Variants in MARS2 observed in about 807,000 individuals in gnomAD.
The protein encoded by MARS2 is methionyl-tRNA synthetase 2, mitochondrial, also known as methionine--tRNA ligase, mitochondrial.
Under a neutral mutation model 43.8 loss-of-function variants are expected in MARS2, and 33 were observed. The ratio of observed to expected loss-of-function variants is 0.75; its 90% CI spans 0.57 to 1.01. The LOEUF is 1.01. Ranked by LOEUF, MARS2 falls within the 50% of genes least tolerant of loss-of-function variation. The pLI is 0.00. For missense variants in MARS2, 720 were observed against 763.0 expected, an observed-to-expected ratio of 0.94 and a Z score of 0.66; for synonymous variants, 351 against 325.5, an observed-to-expected ratio of 1.08 and a Z score of -0.84.
Position 197,705,450 on chromosome 2 carries a change from T to C in MARS2, c.45T>C (p.Ala15=). 1 of 1,612,640 alleles carries C rather than the reference T, an allele frequency of 6.2e-7. No individual in the cohort carries two copies. The highest frequency in any genetic ancestry group is 8.5e-7 in the Non-Finnish European group (1 of 1,179,930). Reference sequence around the variant, plus strand: ...TCCGCCTGCTAGGACGCACGGGGGCTAGTAGGCTGTCTCTCCTGGAGGACT... The same window carrying C: ...TCCGCCTGCTAGGACGCACGGGGGCCAGTAGGCTGTCTCTCCTGGAGGACT... ...SVLRLLGRTG[A]SRLSLLEDFG... The change falls in exon 1 of 1, where the codon GCT becomes GCC. Residue 15 remains alanine (A), a synonymous_variant. Coordinates refer to ENST00000282276, the MANE Select transcript of MARS2 (RefSeq NM_138395.4).
rs1023305282 is a variant in MARS2, at chr2:197,706,533, G to A, written c.1128G>A (p.Arg376=). The A allele has an allele frequency of 2.5e-6, 4 of 1,614,188 alleles. No homozygotes were observed. In the African/African-American group the frequency reaches 4.0e-5, roughly 16 times the overall value. Residue 376 remains arginine (R), a synonymous_variant, in exon 1 of 1, where the codon CGG becomes CGA. Coordinates refer to ENST00000282276, the MANE Select transcript of MARS2 (RefSeq NM_138395.4). ...ATGGCTTCCGCTACTTTCTCCTTCG[G>A]CAGGGCGTCCCCAACTGGGACTGTG... The part of the protein sequence containing the change: ...TVDGFRYFLL[R]QGVPNWDCDY...
Position 197,706,133 on chromosome 2 carries a change from T to C in MARS2, c.728T>C (p.Leu243Pro). 1 of 1,614,146 alleles carries C rather than the reference T, an allele frequency of 6.2e-7. No homozygotes were observed. The highest frequency in any genetic ancestry group is 8.5e-7 in the Non-Finnish European group (1 of 1,180,028). The change falls in exon 1 of 1, where the codon CTT (leucine) becomes CCT (proline). Residue 243 changes from leucine (L) to proline (P), a missense_variant. By Grantham distance (98) the Leu-to-Pro change is moderately conservative. Coordinates refer to ENST00000282276, the MANE Select transcript of MARS2 (RefSeq NM_138395.4). ...ITPEPFHHVVLQWLDEELPDL... is the reference protein window; with the variant it reads ...ITPEPFHHVVPQWLDEELPDL... The stretch of plus-strand genomic sequence containing the variant: ...CCCGAACCATTTCATCACGTAGTTC[T>C]TCAGTGGCTGGACGAGGAGCTGCCC...
Position 197,706,239 on chromosome 2 carries a change from A to G in MARS2, c.834A>G (p.Val278=). The part of the protein sequence containing the change: ...VPGDDSQTIY[V]WLDALVNYLT... ...GGGATGATTCGCAGACCATCTATGT[A>G]TGGCTGGATGCCCTGGTCAACTACC... The change falls in exon 1 of 1, where the codon GTA becomes GTG. Residue 278 remains valine, a synonymous_variant. Coordinates refer to ENST00000282276, the MANE Select transcript of MARS2 (RefSeq NM_138395.4). 1 of 1,614,208 alleles carries G rather than the reference A, an allele frequency of 6.2e-7. No individual in the cohort carries two copies. The highest frequency in any genetic ancestry group is 2.2e-5 in the East Asian group (1 of 44,880).
chr2:197,705,642 A>G lies in MARS2; in HGVS notation c.237A>G (p.Arg79=). ...CCCTATGCCGCCACCGTCGCCTCCGAGGTCCCAGCACGGCCGCCACGCGAT... is the reference window on the plus strand; with the variant it reads ...CCCTATGCCGCCACCGTCGCCTCCGGGGTCCCAGCACGGCCGCCACGCGAT... ...ADALCRHRRL[R]GPSTAATRFS... is the part of the protein sequence containing the mutation. The change falls in exon 1 of 1, where the codon CGA becomes CGG. Residue 79 remains arginine, a synonymous_variant. Transcript: ENST00000282276. 2 of 1,611,606 alleles carry G rather than the reference A, an allele frequency of 1.2e-6. No homozygotes were observed. Among genetic ancestry groups the G allele is most frequent in the Non-Finnish European group, 1.7e-6 (2 of 1,179,864 alleles).
rs201981168 is a variant in MARS2 at position 197,706,224 on chromosome 2, G to C, written c.819G>C (p.Ser273=). The C allele has an allele frequency of 1.3e-5, 21 of 1,614,130 alleles. No homozygotes were observed. The highest frequency in any genetic ancestry group is 1.7e-5 in the Non-Finnish European group (20 of 1,180,058). Residue 273 remains serine, a synonymous_variant, in exon 1 of 1, where the codon TCG becomes TCC. Coordinates refer to ENST00000282276, the MANE Select transcript of MARS2 (RefSeq NM_138395.4). ...GCATTCCGGTGCCCGGGGATGATTC[G>C]CAGACCATCTATGTATGGCTGGATG... ...HWGIPVPGDD[S]QTIYVWLDAL... is the part of the protein sequence containing the mutation.
chr2:197,706,859 GT>G lies in MARS2; in HGVS notation c.1458del (p.Phe486LeufsTer10). On this transcript the variant is annotated frameshift_variant, in exon 1 of 1. Transcript: ENST00000282276. LOFTEE classifies it high-confidence loss of function. ...TCCAGCTGTGTCCGGCAAACTAATG[GT>G]TTTGTCCAAAGGCATGCACCATGGA... ...AVSSCVRQTN[G>X]FVQRHAPWKL... is the part of the protein sequence containing the mutation. The G allele has an allele frequency of 6.2e-7, 1 of 1,614,182 alleles. No individual in the cohort carries two copies. Among genetic ancestry groups the G allele is most frequent in the Non-Finnish European group, 8.5e-7 (1 of 1,180,048 alleles).
Position 197,707,141 on chromosome 2 carries a change from G to A in MARS2, c.1736G>A (p.Arg579Lys), listed in dbSNP as rs762217143. The change falls in exon 1 of 1, where the codon AGA (arginine) becomes AAA (lysine). Residue 579 changes from arginine to lysine, a missense_variant. Transcript: ENST00000282276. ...CCTGAAACTGGGCTTTTGTTTCCAA[G>A]ACTAGACCAGTCCAGGACTTGGCTG... ...LGPETGLLFP[R>K]LDQSRTWLVK... 14 of 1,614,018 alleles carry A rather than the reference G, an allele frequency of 8.7e-6. No homozygotes were observed. The highest frequency in any genetic ancestry group is 5.9e-6 in the Non-Finnish European group (7 of 1,180,034).
rs752714985 is a variant in MARS2 at position 197,706,440 on chromosome 2, C to T, written c.1035C>T (p.Gly345=). The T allele has an allele frequency of 1.2e-6, 2 of 1,613,888 alleles. No individual in the cohort carries two copies. The highest frequency in any genetic ancestry group is 4.5e-5 in the East Asian group (2 of 44,880). ...ICVHSHWTVC[G]QKMSKSLGNV... ...TCCATTCCCACTGGACAGTCTGTGG[C>T]CAAAAGATGTCCAAGAGCTTGGGCA... Residue 345 remains glycine (G), a synonymous_variant, in exon 1 of 1, where the codon GGC becomes GGT. Transcript: ENST00000282276.
Position 197,708,065 on chromosome 2 carries a change from T to C in MARS2, c.*878T>C, listed in dbSNP as rs1277524165. ...GTGAATAAGTAAATGTATCAAGTTGTTTATATAATAAATTATAAAACTCTT... is the reference window on the plus strand; with the variant it reads ...GTGAATAAGTAAATGTATCAAGTTGCTTATATAATAAATTATAAAACTCTT... On this transcript the variant is annotated 3_prime_UTR_variant, in exon 1 of 1. Transcript: ENST00000282276. 6.0e-6 allele frequency: 1 copy of C among 167,112 alleles called. No individual in the cohort carries two copies. Among genetic ancestry groups the C allele is most frequent in the Admixed American group, 6.5e-5 (1 of 15,290 alleles). 10.4% of individuals were successfully genotyped at this position (167,112 alleles called of 1,614,324 possible). A position where few individuals can be genotyped will look rare whatever the true frequency, so the allele number is the denominator to read the frequency against.
Position 197,705,845 on chromosome 2 carries a change from T to TGCA in MARS2, c.444_446dup (p.Gln148dup). ...ACGGAGGCCCGGCACCGGGTGGCTG[T>TGCA]GCAGCACTTCTGGGGGGTGCTTAAG... On this transcript the variant is annotated inframe_insertion, in exon 1 of 1. Coordinates refer to ENST00000282276, the MANE Select transcript of MARS2 (RefSeq NM_138395.4). 1 of 1,613,960 alleles carries TGCA rather than the reference T, an allele frequency of 6.2e-7. No homozygotes were observed. Among genetic ancestry groups the TGCA allele is most frequent in the South Asian group, 1.1e-5 (1 of 91,084 alleles).
chr2:197,706,859 G>A lies in MARS2; in HGVS notation c.1454G>A (p.Gly485Asp). Residue 485 changes from glycine (G) to aspartate (D), a missense_variant, in exon 1 of 1, where the codon GGT becomes GAT. Physicochemically the swap from Gly to Asp is moderately conservative, Grantham distance 94 (BLOSUM62 -1). Coordinates refer to ENST00000282276, the MANE Select transcript of MARS2 (RefSeq NM_138395.4). ...AVSSCVRQTN[G>D]FVQRHAPWKL... ...TCCAGCTGTGTCCGGCAAACTAATG[G>A]TTTTGTCCAAAGGCATGCACCATGG... 1 of 1,614,182 alleles carries A rather than the reference G, an allele frequency of 6.2e-7. No homozygotes were observed. Among genetic ancestry groups the A allele is most frequent in the Non-Finnish European group, 8.5e-7 (1 of 1,180,048 alleles).
rs778686959 is a variant in MARS2, at chr2:197,706,925, G to A, written c.1520G>A (p.Gly507Asp). 6.2e-7 allele frequency: 1 copy of A among 1,614,190 alleles called. No homozygotes were observed. The highest frequency in any genetic ancestry group is 1.6e-4 in the Middle Eastern group (1 of 6,062). ...WESPVDAPWLGTVLHVALECL... is the reference protein window; with the variant it reads ...WESPVDAPWLDTVLHVALECL... ...AGCCCAGTGGATGCTCCCTGGCTGGGTACTGTGCTTCATGTGGCCTTGGAA... is the reference window on the plus strand; with the variant it reads ...AGCCCAGTGGATGCTCCCTGGCTGGATACTGTGCTTCATGTGGCCTTGGAA... Residue 507 changes from glycine to aspartate, a missense_variant, in exon 1 of 1, where the codon GGT (glycine) becomes GAT (aspartate). Coordinates refer to ENST00000282276, the MANE Select transcript of MARS2 (RefSeq NM_138395.4).
Position 197,706,804 on chromosome 2 carries a change from T to C in MARS2, c.1399T>C (p.Phe467Leu), listed in dbSNP as rs1015443509. 6 of 1,614,086 alleles carry C rather than the reference T, an allele frequency of 3.7e-6. No individual in the cohort carries two copies. In the Admixed American group the frequency reaches 8.3e-5, roughly 22 times the overall value. ...GCAGGTAGCAGACCACTATGATAAC[T>C]TTCGGATATATAAGGCTCTGGAGGC... ...PKQVADHYDN[F>L]RIYKALEAVS... Residue 467 changes from phenylalanine to leucine, a missense_variant, in exon 1 of 1, where the codon TTT (phenylalanine) becomes CTT (leucine). Coordinates refer to ENST00000282276, the MANE Select transcript of MARS2 (RefSeq NM_138395.4).
Position 197,706,738 on chromosome 2 carries a change from G to A in MARS2, c.1333G>A (p.Glu445Lys), listed in dbSNP as rs201906089. The A allele has an allele frequency of 3.1e-6, 5 of 1,614,104 alleles. No individual in the cohort carries two copies. Among genetic ancestry groups the A allele is most frequent in the Non-Finnish European group, 3.4e-6 (4 of 1,180,044 alleles). ...LVGPSVRAQAEDYALVSAVAT... is the reference protein window; with the variant it reads ...LVGPSVRAQAKDYALVSAVAT... ...GGGGCCGTCAGTTCGTGCTCAGGCA[G>A]AGGATTATGCTCTGGTGAGCGCAGT... Residue 445 changes from glutamate (E) to lysine (K), a missense_variant, in exon 1 of 1, where the codon GAG (glutamate) becomes AAG (lysine). Physicochemically the swap from Glu to Lys is moderately conservative, Grantham distance 56. Transcript: ENST00000282276.
Position 197,706,668 on chromosome 2 carries a change from C to T in MARS2, c.1263C>T (p.Tyr421=). The T allele has an allele frequency of 6.2e-7, 1 of 1,614,160 alleles. No homozygotes were observed. Among genetic ancestry groups the T allele is most frequent in the South Asian group, 1.1e-5 (1 of 91,090 alleles). ...AAAGAATAAATCCTTCTGAGACCTA[C>T]CCAGCCTTCTGCACTACCTGCTTCC... ...TAKRINPSET[Y]PAFCTTCFPS... is the part of the protein sequence containing the mutation. The change falls in exon 1 of 1, where the codon TAC becomes TAT. Residue 421 remains tyrosine (Y), a synonymous_variant. Transcript: ENST00000282276.
Position 197,707,038 on chromosome 2 carries a change from G to A in MARS2, c.1633G>A (p.Glu545Lys). The change falls in exon 1 of 1, where the codon GAG becomes AAG. Residue 545 changes from glutamate (E) to lysine (K), a missense_variant. By Grantham distance (56) the Glu-to-Lys change is moderately conservative. Transcript: ENST00000282276. ...GTCTAGGCTGGGGGTCTCTGCCTCA[G>A]AGAGGAGTCTTGGAGAGCTCTATTT... is the stretch of plus-strand genomic sequence containing the variant. ...LLSRLGVSAS[E>K]RSLGELYFLP... The A allele has an allele frequency of 6.2e-7, 1 of 1,614,180 alleles. No individual in the cohort carries two copies. Among genetic ancestry groups the A allele is most frequent in the Non-Finnish European group, 8.5e-7 (1 of 1,180,038 alleles).
rs2089481282 is a variant in MARS2, at chr2:197,706,887, G to T, written c.1482G>T (p.Lys494Asn). ...NGFVQRHAPWKLNWESPVDAP... is the reference protein window; with the variant it reads ...NGFVQRHAPWNLNWESPVDAP... ...TTGTCCAAAGGCATGCACCATGGAA[G>T]CTGAACTGGGAGAGCCCAGTGGATG... is the stretch of plus-strand genomic sequence containing the variant. The change falls in exon 1 of 1, where the codon AAG (lysine) becomes AAT (asparagine). Residue 494 changes from lysine to asparagine, a missense_variant. Lys to Asn is a moderately conservative substitution (Grantham distance 94). Coordinates refer to ENST00000282276, the MANE Select transcript of MARS2 (RefSeq NM_138395.4). The T allele has an allele frequency of 6.2e-7, 1 of 1,614,098 alleles. No homozygotes were observed. The highest frequency in any genetic ancestry group is 1.3e-5 in the African/African-American group (1 of 74,958).
In MARS2 at chr2:197,706,487, G is replaced by T. The variant is rs2089476517; in HGVS notation, c.1082G>T (p.Cys361Phe). 1 of 1,613,834 alleles carries T rather than the reference G, an allele frequency of 6.2e-7. No homozygotes were observed. Reference sequence around the variant, plus strand: ...GGCAACGTGGTGGATCCTAGGACTTGCCTTAACCGCTATACCGTGGATGGC... The same window carrying T: ...GGCAACGTGGTGGATCCTAGGACTTTCCTTAACCGCTATACCGTGGATGGC... ...SLGNVVDPRT[C>F]LNRYTVDGFR... is the part of the protein sequence containing the mutation. Residue 361 changes from cysteine (C) to phenylalanine (F), a missense_variant, in exon 1 of 1, where the codon TGC becomes TTC. Transcript: ENST00000282276.
At position 197,705,465 on chromosome 2, in the gene MARS2, CCTGGAGGA is replaced by C; in HGVS notation, c.63_70del (p.Glu22ArgfsTer15). On this transcript the variant is annotated frameshift_variant, in exon 1 of 1. Transcript: ENST00000282276. LOFTEE classifies it high-confidence loss of function. ...GCACGGGGGCTAGTAGGCTGTCTCT[CCTGGAGGA>C]CTTCGGCCCACGCTACTACAGTTCG... The C allele has an allele frequency of 6.2e-7, 1 of 1,612,956 alleles. No individual in the cohort carries two copies. Among genetic ancestry groups the C allele is most frequent in the African/African-American group, 1.3e-5 (1 of 75,058 alleles).
Sources: gnomAD v4.1 joint callset for allele counts on GRCh38, gnomAD v4.1.1 for gene constraint, MANE v1.5 for transcripts, NCBI Gene and HGNC (gene_info 2026-07-23, HGNC 2026-07-21) for gene names.